MAPRE2: variants seen among roughly 807,000 people sequenced by gnomAD.
The protein encoded by MAPRE2 is microtubule-associated protein RP/EB family member 2.
MAPRE2 carries 13 observed loss-of-function variants against 43.2 expected under a neutral mutation model. The observed-to-expected ratio is 0.30, with a 90% CI of 0.20 to 0.48. The LOEUF is 0.48. Among genes scored for constraint, MAPRE2 ranks in the 20% least tolerant of loss-of-function variants. MAPRE2 has a pLI of 0.99. For missense variants in MAPRE2, 161 were observed against 400.2 expected (o/e 0.40, Z 5.10); for synonymous variants, 135 against 148.8 (o/e 0.91, Z 0.68).
chr18:35,078,288 C>A (rs1254857470), intron 2 of MAPRE2, among the ~76,000 whole-genome samples: 1 of 152,088 alleles, frequency 6.6e-6, no homozygotes, highest in Admixed American at 6.6e-5. Context: ...CTAAAACATG[C>A]ATTTTGGAGA....
At chr18:35,027,885 C>G (rs1163296475) in intron 2 of MAPRE2, among the ~76,000 whole-genome samples, 1 of 152,116 alleles carries the variant, frequency 6.6e-6, no homozygotes, top group African/African-American at 2.4e-5. Context: ...TATTTGGAGC[C>G]TTGGTACTCT....
rs1447384209 is a variant in MAPRE2, at chr18:35,041,644, C to A, written c.105C>A (p.Arg35=). The A allele has an allele frequency of 6.2e-7, 1 of 1,614,194 alleles. No individual in the cohort carries two copies. The highest frequency in any genetic ancestry group is 1.1e-5 in the South Asian group (1 of 91,078). The change falls in exon 1 of 7, where the codon CGC becomes CGA. Residue 35 remains arginine (R), a synonymous_variant. Transcript: ENST00000300249. The part of the protein sequence containing the change: ...TIIPFRKHTV[R]GERSYSWGMA... Reference sequence around the variant, plus strand: ...TTCCTTTCCGGAAGCACACAGTGCGCGGGGAGCGTTCCTACAGGTAATGGG... The same window carrying A: ...TTCCTTTCCGGAAGCACACAGTGCGAGGGGAGCGTTCCTACAGGTAATGGG...
At chr18:35,136,196 CT>C (rs1446957504) in intron 6 of MAPRE2, among the ~76,000 whole-genome samples, 1 of 152,184 alleles carries the variant, frequency 6.6e-6, no homozygotes, top group Non-Finnish European at 1.5e-5. Context: ...ATGTTTTCCC[CT>C]GATACGTAAC....
intron 2 of MAPRE2, among the ~76,000 whole-genome samples, chr18:35,094,363 T>C (rs1049193195): frequency 6.6e-5 from 10 of 152,056 alleles, no homozygotes; most frequent in African/African-American, 2.4e-4. Flanking sequence ...TTTAGGAAAA[T>C]TTTGAGAATA....
chr18:34,995,612 G>A (rs2097026101), intron 1 of MAPRE2, among the ~76,000 whole-genome samples: 1 of 152,184 alleles, frequency 6.6e-6, no homozygotes, highest in South Asian at 2.1e-4. Flanking sequence ...CTGGGGGCTA[G>A]GAATAATTGC....
At chr18:35,079,094 C>T (rs571025976) in intron 2 of MAPRE2, among the ~76,000 whole-genome samples, 1 of 152,314 alleles carries the variant, frequency 6.6e-6, no homozygotes, top group African/African-American at 2.4e-5. Flanking sequence ...AAACAACAAC[C>T]AGGATGATGC....
At chr18:34,979,022 C>T (rs1198668220) in intron 1 of MAPRE2, among the ~76,000 whole-genome samples, 1 of 152,198 alleles carries the variant, frequency 6.6e-6, no homozygotes, top group Non-Finnish European at 1.5e-5. Context: ...CAGCGGCCAG[C>T]AGCAGCAGGC....
At chr18:35,042,134 A>T (rs562551436) in intron 1 of MAPRE2, among the ~76,000 whole-genome samples, 1 of 152,334 alleles carries the variant, frequency 6.6e-6, no homozygotes, top group South Asian at 2.1e-4. Flanking sequence ...CTGTGATGTT[A>T]AACCGCCAGA....
intron 1 of MAPRE2, among the ~76,000 whole-genome samples, chr18:35,002,080 A>C (rs1250421769): frequency 6.6e-6 from 1 of 152,018 alleles, no homozygotes; most frequent in African/African-American, 2.4e-5. Context: ...AATCACACTC[A>C]TTTCCCTCCA....
At chr18:35,063,598 C>T (rs902345605) in intron 1 of MAPRE2, among the ~76,000 whole-genome samples, 6 of 152,108 alleles carry the variant, frequency 3.9e-5, no homozygotes, top group Non-Finnish European at 4.4e-5. Flanking sequence ...CTCCTTGCAG[C>T]GCAGCAGATA....
chr18:35,054,641 T>A (rs1464307620), intron 1 of MAPRE2, among the ~76,000 whole-genome samples: 1 of 152,200 alleles, frequency 6.6e-6, no homozygotes, highest in African/African-American at 2.4e-5. Flanking sequence ...AGACAGGACA[T>A]CCTGTGATTC....
At chr18:35,137,751 C>T (rs190594770) in intron 6 of MAPRE2, among the ~76,000 whole-genome samples, 3 of 152,214 alleles carry the variant, frequency 2.0e-5, no homozygotes, top group African/African-American at 4.8e-5. Flanking sequence ...CAAGAACACA[C>T]GCGGGACTGT....
chr18:35,079,711 T>C (rs1438449683), intron 2 of MAPRE2, among the ~76,000 whole-genome samples: 1 of 152,234 alleles, frequency 6.6e-6, no homozygotes, highest in East Asian at 1.9e-4. Context: ...CTAATTAAAA[T>C]GTAAGTCAAA....
At chr18:35,034,806 A>C (rs531302982) in intron 2 of MAPRE2, among the ~76,000 whole-genome samples, 2 of 152,374 alleles carry the variant, frequency 1.3e-5, no homozygotes, top group East Asian at 3.9e-4. Context: ...TCAAAACCAC[A>C]ATGAGATACC....
At chr18:35,133,808 G>T (rs1320900036) in intron 6 of MAPRE2, among the ~76,000 whole-genome samples, 1 of 152,146 alleles carries the variant, frequency 6.6e-6, no homozygotes, top group Non-Finnish European at 1.5e-5. Context: ...ACAGCCTCAG[G>T]CAAGAGCCCT....
At chr18:35,060,395 A>T (rs949655718) in intron 1 of MAPRE2, among the ~76,000 whole-genome samples, 13 of 152,208 alleles carry the variant, frequency 8.5e-5, no homozygotes, top group African/African-American at 3.1e-4. Context: ...TTTTCAGAGC[A>T]TGGACGAAGC....
At chr18:35,076,401 A>G (rs1012293493) in intron 2 of MAPRE2, among the ~76,000 whole-genome samples, 2 of 152,224 alleles carry the variant, frequency 1.3e-5, no homozygotes, top group African/African-American at 4.8e-5. Flanking sequence ...GAGTCAGTAG[A>G]GAGATTTACT....
At chr18:35,055,039 T>C (rs1330185328) in intron 1 of MAPRE2, among the ~76,000 whole-genome samples, 1 of 152,186 alleles carries the variant, frequency 6.6e-6, no homozygotes, top group Non-Finnish European at 1.5e-5. Context: ...AAATATTACA[T>C]GTGAAGAAAA....
chr18:35,055,557 G>GTGTGTGTGTGTGTGTA (rs1568986551), intron 1 of MAPRE2, among the ~76,000 whole-genome samples: 6 of 149,230 alleles, frequency 4.0e-5, no homozygotes, highest in Admixed American at 3.3e-4. Context: ...GTGTGTGTGT[G>GTGTGTGTGTGTGTGTA]TGTGTGTATG....
Sources: allele counts gnomAD v4.1 joint callset (sites outside exome capture counted in the v4.1 genomes callset), GRCh38; gene constraint gnomAD v4.1.1; transcripts MANE v1.5; gene names NCBI Gene and HGNC (gene_info 2026-07-23, HGNC 2026-07-21).